The following TLR5 variants were observed in gnomAD, a reference collection of about 807,000 sequenced individuals.
TLR5 encodes toll-like receptor 5.
For missense variants in TLR5, 944 were observed against 999.8 expected (o/e 0.94, Z 0.75); for synonymous variants, 373 against 384.4 (o/e 0.97, Z 0.35).
At chr1:223,140,739 T>C (rs1038245912) in intron 2 of TLR5, among the ~76,000 whole-genome samples, 9 of 152,170 alleles carry the variant, frequency 5.9e-5, no homozygotes, top group Non-Finnish European at 1.2e-4. Context: ...GGCCAAGCCC[T>C]TGATGGTCAT....
chr1:223,117,613 G>A (rs1326599878), intron 5 of TLR5, among the ~76,000 whole-genome samples: 1 of 149,902 alleles, frequency 6.7e-6, no homozygotes, highest in Non-Finnish European at 1.5e-5. Context: ...GAAAGAGTAT[G>A]TTGAATGAAC....
In TLR5 at chr1:223,112,643, C is replaced by T; in HGVS notation, c.389G>A (p.Gly130Asp). ...ATCTTTCAATACAGCATCAGAGAGACCACAGAAATACAGTCTAAGTTCAAA... is the reference window on the plus strand; with the variant it reads ...ATCTTTCAATACAGCATCAGAGAGATCACAGAAATACAGTCTAAGTTCAAA... ...HLFELRLYFCGLSDAVLKDGY... is the reference protein window; with the variant it reads ...HLFELRLYFCDLSDAVLKDGY... The change falls in exon 6 of 6, where the codon GGT becomes GAT. Residue 130 changes from glycine (G) to aspartate (D), a missense_variant. By Grantham distance (94) the Gly-to-Asp change is moderately conservative. Coordinates refer to ENST00000642603, the MANE Select transcript of TLR5 (RefSeq NM_003268.6). 3.1e-6 allele frequency: 5 copies of T among 1,614,186 alleles called. No individual in the cohort carries two copies. In the South Asian group the frequency reaches 4.4e-5, roughly 14 times the overall value.
chr1:223,110,832 A>T lies in TLR5; in HGVS notation c.2200T>A (p.Phe734Ile), dbSNP rs1004425932. The change falls in exon 6 of 6, where the codon TTT (phenylalanine) becomes ATT (isoleucine). Residue 734 changes from phenylalanine (F) to isoleucine (I), a missense_variant. Physicochemically the swap from Phe to Ile is conservative, Grantham distance 21 (BLOSUM62 0). Transcript: ENST00000642603. ...RFNLCFEERD[F>I]VPGENRIANI... ...GCAATGCGGTTTTCTCCTGGGACAA[A>T]GTCTCTTTCTTCAAAGCACAGGTTG... 6.2e-7 allele frequency: 1 copy of T among 1,614,242 alleles called. No individual in the cohort carries two copies. The highest frequency in any genetic ancestry group is 8.5e-7 in the Non-Finnish European group (1 of 1,180,038).
rs3044335 is a variant in TLR5, at chr1:223,137,950, A to ATTTTTTTTTTTT, written c.-438-699_-438-688dup. Among the ~76,000 whole-genome samples the ATTTTTTTTTTTT allele has an allele frequency of 3.9e-4, 33 of 84,566 alleles. 2 individuals are homozygous for ATTTTTTTTTTTT. The highest frequency in any genetic ancestry group is 9.4e-4 in the African/African-American group (19 of 20,116). The allele number at this position is 84,566 out of a possible 152,430, so 55.5% of individuals were successfully genotyped here. A position where few individuals can be genotyped will look rare whatever the true frequency, so the allele number is the denominator to read the frequency against. On this transcript the variant is annotated intron_variant, in intron 2 of 5. Transcript: ENST00000642603. ...AACCTCCTCAGGTCTGGCTTTTTAA[A>ATTTTTTTTTTTT]TTTTTTTTTTTTTTTTTTTTTTTTT...
intron 5 of TLR5, among the ~76,000 whole-genome samples, chr1:223,121,667 T>C (rs1360236785): frequency 6.6e-6 from 1 of 152,160 alleles, no homozygotes; most frequent in African/African-American, 2.4e-5. Context: ...CACAGGTGCA[T>C]ACCACCATGC....
chr1:223,138,922 C>T (rs548541622), intron 2 of TLR5, among the ~76,000 whole-genome samples: 5 of 152,272 alleles, frequency 3.3e-5, no homozygotes, highest in African/African-American at 9.6e-5. Context: ...AGGTCTTCTG[C>T]GTGCTGTTCT....
rs1656338622 is a variant in TLR5, at chr1:223,111,546, C to T, written c.1486G>A (p.Asp496Asn). ...QLAWETELCW[D>N]VFEGLSHLQV... ...AGATGAGAAAGTCCCTCAAAAACAT[C>T]CCAACAGAGCTCAGTTTCCCAGGCA... is the stretch of plus-strand genomic sequence containing the variant. Residue 496 changes from aspartate (D) to asparagine (N), a missense_variant, in exon 6 of 6, where the codon GAT becomes AAT. Physicochemically the swap from Asp to Asn is conservative, Grantham distance 23. Transcript: ENST00000642603. 2 of 1,613,986 alleles carry T rather than the reference C, an allele frequency of 1.2e-6. No homozygotes were observed. Among genetic ancestry groups the T allele is most frequent in the Non-Finnish European group, 1.7e-6 (2 of 1,180,038 alleles).
chr1:223,137,740 T>G (rs576357478), intron 2 of TLR5, among the ~76,000 whole-genome samples: 2 of 152,266 alleles, frequency 1.3e-5, no homozygotes, highest in African/African-American at 4.8e-5. Flanking sequence ...TTAGCATAAA[T>G]GAGCTCCTTC....
intron 1 of TLR5, 99 bp downstream of exon 1, chr1:223,143,097 C>G (rs1657952542): frequency 6.6e-6 from 1 of 152,184 alleles, no homozygotes; most frequent in African/African-American, 2.4e-5. Context: ...GGGAGGAGGG[C>G]GGAGAGGAGT....
Position 223,111,605 on chromosome 1 carries a change from T to A in TLR5, c.1427A>T (p.Glu476Val). ...DQTPSENPSLEQLFLGENMLQ... is the reference protein window; with the variant it reads ...DQTPSENPSLVQLFLGENMLQ... ...CATATTTTCTCCAAGGAAAAGCTGT[T>A]CTAAGCTGGGATTCTCTGAAGGGGT... The change falls in exon 6 of 6, where the codon GAA (glutamate) becomes GTA (valine). Residue 476 changes from glutamate to valine, a missense_variant. Coordinates refer to ENST00000642603, the MANE Select transcript of TLR5 (RefSeq NM_003268.6). The A allele has an allele frequency of 6.2e-7, 1 of 1,614,170 alleles. No individual in the cohort carries two copies. The highest frequency in any genetic ancestry group is 8.5e-7 in the Non-Finnish European group (1 of 1,180,024).
chr1:223,130,471 A>G (rs750283558), intron 5 of TLR5, among the ~76,000 whole-genome samples: 1 of 152,190 alleles, frequency 6.6e-6, no homozygotes, highest in Non-Finnish European at 1.5e-5. Context: ...GGCCCTGCAG[A>G]AAAGGCTGCC....
chr1:223,142,703 G>C (rs531651877), intron 1 of TLR5, among the ~76,000 whole-genome samples: 2 of 152,172 alleles, frequency 1.3e-5, no homozygotes, highest in East Asian at 1.9e-4. Context: ...GCTGTGGGGT[G>C]GGGTGTTTAG....
chr1:223,121,235 T>A (rs1656942096), intron 5 of TLR5, among the ~76,000 whole-genome samples: 1 of 152,288 alleles, frequency 6.6e-6, no homozygotes, highest in Non-Finnish European at 1.5e-5. Context: ...CAACTCATTA[T>A]AAATTACTTC....
intron 2 of TLR5, among the ~76,000 whole-genome samples, chr1:223,137,684 A>G (rs1201159436): frequency 6.6e-6 from 1 of 152,200 alleles, no homozygotes; most frequent in Non-Finnish European, 1.5e-5. Flanking sequence ...GAAGGTTTAA[A>G]TGAAATATAA....
intron 5 of TLR5, among the ~76,000 whole-genome samples, chr1:223,132,199 C>A (rs1159119110): frequency 1.3e-5 from 2 of 151,862 alleles, no homozygotes; most frequent in African/African-American, 2.4e-5. Flanking sequence ...CTTGTCTCTA[C>A]AAAAAACAGA....
At chr1:223,121,772 G>A (rs945456049) in intron 5 of TLR5, among the ~76,000 whole-genome samples, 3 of 152,098 alleles carry the variant, frequency 2.0e-5, no homozygotes, top group Non-Finnish European at 4.4e-5. Context: ...AGCCCACCTC[G>A]GCCTCCCAAA....
chr1:223,110,772 T>A lies in TLR5; in HGVS notation c.2260A>T (p.Ile754Phe), dbSNP rs1369499696. 3.7e-6 allele frequency: 6 copies of A among 1,614,226 alleles called. No individual in the cohort carries two copies. The South Asian group carries it at 6.6e-5, about 18-fold the overall frequency. ...AAGTGTCTGCTCACAAGACAAACGA[T>A]CTTTCTACTGTTCCAGATGGCATCC... ...IQDAIWNSRK[I>F]VCLVSRHFLR... Residue 754 changes from isoleucine (I) to phenylalanine (F), a missense_variant, in exon 6 of 6, where the codon ATC becomes TTC. By Grantham distance (21) the Ile-to-Phe change is conservative. Transcript: ENST00000642603.
rs942753782 is a variant in TLR5 at position 223,137,205 on chromosome 1, G to A, written c.-380C>T. 4 of 152,218 alleles carry A rather than the reference G, an allele frequency of 2.6e-5. No individual in the cohort carries two copies. The highest frequency in any genetic ancestry group is 1.9e-4 in the East Asian group (1 of 5,194). 9.4% of individuals were successfully genotyped at this position (152,218 alleles called of 1,614,324 possible). ...GGTTTGGTGACTGTGGAGAAGCCAC[G>A]TTGTCAGTAGCATCAGGAGTATGAA... On this transcript the variant is annotated 5_prime_UTR_variant, in exon 3 of 6. It adds an upstream start codon to the 5' untranslated region. Coordinates refer to ENST00000642603, the MANE Select transcript of TLR5 (RefSeq NM_003268.6).
rs1282547180 is a variant in TLR5 at position 223,110,799 on chromosome 1, G to A, written c.2233C>T (p.Gln745Ter). 1 of 1,614,222 alleles carries A rather than the reference G, an allele frequency of 6.2e-7. No homozygotes were observed. Among genetic ancestry groups the A allele is most frequent in the Admixed American group, 1.7e-5 (1 of 60,034 alleles). The change falls in exon 6 of 6, where the codon CAG (glutamine) becomes TAG (stop). Residue 745 changes from glutamine (Q) to a stop codon, truncating the protein, a stop_gained. Transcript: ENST00000642603. LOFTEE classifies it low-confidence loss of function (END_TRUNC). ...VPGENRIANIQDAIWNSRKIV... is the reference protein window; with the variant it reads ...VPGENRIANI ...TTTCTACTGTTCCAGATGGCATCCT[G>A]GATATTGGCAATGCGGTTTTCTCCT...
Sources: allele counts gnomAD v4.1 joint callset (sites outside exome capture counted in the v4.1 genomes callset), GRCh38; gene constraint gnomAD v4.1.1; transcripts MANE v1.5; gene names NCBI Gene and HGNC (gene_info 2026-07-23, HGNC 2026-07-21).